The following TMEM38B variants were observed in gnomAD, a reference collection of about 807,000 sequenced individuals.
TMEM38B encodes the protein transmembrane protein 38B.
TMEM38B carries 24 observed loss-of-function variants against 28.7 expected under a neutral mutation model. The ratio of observed to expected loss-of-function variants is 0.84; its 90% CI spans 0.61 to 1.18. The LOEUF (loss-of-function observed/expected upper bound fraction) is 1.18. TMEM38B is among the 50% of genes most tolerant of loss of function. The pLI is 0.00. For synonymous variants in TMEM38B, 131 were observed against 127.7 expected (o/e 1.03, Z -0.17); for missense variants, 380 against 350.9 (o/e 1.08, Z -0.66).
chr9:105,695,250 T>C (rs1387981203), intron 1 of TMEM38B, among the ~76,000 whole-genome samples: 3 of 152,070 alleles, frequency 2.0e-5, no homozygotes, highest in Admixed American at 2.0e-4. Context: ...TCTGACTCAG[T>C]CTCTTGGAGT....
intron 5 of TMEM38B, chr9:105,759,946 A>T (rs1168044600): frequency 1.3e-6 from 2 of 1,582,694 alleles, no homozygotes; most frequent in East Asian, 4.5e-5. Context: ...AAGCAGCACA[A>T]GTGTGCAAAC....
rs1826656567 is a variant in TMEM38B at position 105,774,199 on chromosome 9, CAGAA to C, written c.*129_*132del. On this transcript the variant is annotated 3_prime_UTR_variant, in exon 6 of 6. Transcript: ENST00000374692. Reference sequence around the variant, plus strand: ...GACTATATATATGGAATGGAGGTGACAGAAAGAAAGAAATTCTTTGTTTGAGGGA... The same window carrying C: ...GACTATATATATGGAATGGAGGTGACAGAAAGAAATTCTTTGTTTGAGGGA... The C allele has an allele frequency of 4.9e-6, 4 of 809,676 alleles. No individual in the cohort carries two copies. The highest frequency in any genetic ancestry group is 2.7e-5 in the East Asian group (1 of 37,258). The allele number at this position is 809,676 out of a possible 1,614,324, so 50.2% of individuals were successfully genotyped here.
chr9:105,695,833 G>A (rs1251689961), intron 1 of TMEM38B, among the ~76,000 whole-genome samples: 8 of 152,094 alleles, frequency 5.3e-5, no homozygotes, highest in Admixed American at 5.2e-4. Flanking sequence ...TAAATCGTTG[G>A]TACAAATTTT....
chr9:105,740,230 C>T (rs1837147917), intron 4 of TMEM38B, among the ~76,000 whole-genome samples: 1 of 147,956 alleles, frequency 6.8e-6, no homozygotes, highest in African/African-American at 2.5e-5. Flanking sequence ...TGCAAGTCTT[C>T]CACTTCCTTC....
intron 2 of TMEM38B, among the ~76,000 whole-genome samples, chr9:105,718,557 A>G (rs1836198151): frequency 6.6e-6 from 1 of 152,162 alleles, no homozygotes; most frequent in African/African-American, 2.4e-5. Flanking sequence ...TTAATTTGAG[A>G]GATAAAATGA....
rs1317905825 is a variant in TMEM38B at position 105,774,893 on chromosome 9, AAC to A, written c.*817_*818del. The stretch of plus-strand genomic sequence containing the variant: ...GACTTATTTTTTTCTCTCTCATAAA[AAC>A]ACATTTGTTTTAATTGTAGGAGAAA... On this transcript the variant is annotated 3_prime_UTR_variant, in exon 6 of 6. Coordinates refer to ENST00000374692, the MANE Select transcript of TMEM38B (RefSeq NM_018112.3). 7 of 152,134 alleles carry A rather than the reference AAC, an allele frequency of 4.6e-5. No individual in the cohort carries two copies. In the South Asian group the frequency reaches 8.3e-4, roughly 18 times the overall value. The allele number at this position is 152,134 out of a possible 1,614,324, so 9.4% of individuals were successfully genotyped here.
At chr9:105,750,105 A>G (rs1269085620) in intron 5 of TMEM38B, among the ~76,000 whole-genome samples, 1 of 152,132 alleles carries the variant, frequency 6.6e-6, no homozygotes, top group African/African-American at 2.4e-5. Context: ...ACATCTGAGT[A>G]TCTTTTTTGT....
At chr9:105,750,042 T>C (rs1246378272) in intron 5 of TMEM38B, among the ~76,000 whole-genome samples, 2 of 152,230 alleles carry the variant, frequency 1.3e-5, no homozygotes, top group Non-Finnish European at 2.9e-5. Flanking sequence ...TTGTCTTTTT[T>C]ATTATAGCCA....
chr9:105,772,810 G>A (rs1440572051), intron 5 of TMEM38B, among the ~76,000 whole-genome samples: 3 of 151,828 alleles, frequency 2.0e-5, no homozygotes, highest in Admixed American at 2.0e-4. Flanking sequence ...CTCTTGTTTT[G>A]TGTCTCATTT....
At chr9:105,747,167 G>A (rs1163564036) in intron 4 of TMEM38B, among the ~76,000 whole-genome samples, 1 of 152,188 alleles carries the variant, frequency 6.6e-6, no homozygotes, top group Non-Finnish European at 1.5e-5. Context: ...GCTCCTCCTT[G>A]TACCTCTGGT....
At chr9:105,705,831 C>A in intron 2 of TMEM38B, 78 bp downstream of exon 2, 1 of 1,428,766 alleles carries the variant, frequency 7.0e-7, no homozygotes, top group Non-Finnish European at 9.4e-7. Context: ...ATTTTTTTTT[C>A]TTTGAACAAT....
Position 105,749,483 on chromosome 9 carries a change from A to G in TMEM38B, c.660+1293A>G, listed in dbSNP as rs532330950. ...AGCACAGGAAAGACCCTCATGATTC[A>G]GTTACCTTCATCTGGCCCCGCCCTT... On this transcript the variant is annotated intron_variant, in intron 5 of 5. Transcript: ENST00000374692. 7.0e-4 allele frequency among the ~76,000 whole-genome samples: 106 copies of G among 152,296 alleles called. 2 individuals are homozygous for G. The South Asian group carries it at 0.021, about 31-fold the overall frequency.
intron 1 of TMEM38B, among the ~76,000 whole-genome samples, chr9:105,696,935 G>A (rs1349638446): frequency 6.6e-6 from 1 of 152,184 alleles, no homozygotes; most frequent in Non-Finnish European, 1.5e-5. Context: ...GGATGTTGGA[G>A]TTGCTTTAGC....
At chr9:105,745,240 C>T (rs553006535) in intron 4 of TMEM38B, among the ~76,000 whole-genome samples, 3 of 152,310 alleles carry the variant, frequency 2.0e-5, no homozygotes, top group South Asian at 2.1e-4. Flanking sequence ...ACATCCTCTC[C>T]AGCACCTGTT....
chr9:105,773,820 G>C, intron 5 of TMEM38B, 45 bp from the exon 6 acceptor site: 1 of 1,560,378 alleles, frequency 6.4e-7, no homozygotes, highest in Non-Finnish European at 8.8e-7. Flanking sequence ...TTGAGAAACA[G>C]AAATCATTTG....
chr9:105,758,708 G>C, intron 5 of TMEM38B: 1 of 740,920 alleles, frequency 1.3e-6, no homozygotes. Context: ...ACAACATAGA[G>C]AACTTTTCCA....
chr9:105,738,390 G>T (rs1837063063), intron 4 of TMEM38B, among the ~76,000 whole-genome samples: 1 of 151,976 alleles, frequency 6.6e-6, no homozygotes, highest in South Asian at 2.1e-4. Flanking sequence ...TCTCTACATG[G>T]CCATACTCTG....
At chr9:105,764,479 A>ATT (rs1826284171) in intron 5 of TMEM38B, among the ~76,000 whole-genome samples, 1 of 152,220 alleles carries the variant, frequency 6.6e-6, no homozygotes, top group Non-Finnish European at 1.5e-5. Context: ...ACTGCCATTC[A>ATT]CAATTGCTTC....
At chr9:105,762,190 A>G (rs1446582288) in intron 5 of TMEM38B, among the ~76,000 whole-genome samples, 1 of 152,114 alleles carries the variant, frequency 6.6e-6, no homozygotes, top group African/African-American at 2.4e-5. Flanking sequence ...ACTGATTTTT[A>G]TTAAAAATCT....
Sources: allele counts gnomAD v4.1 joint callset (sites outside exome capture counted in the v4.1 genomes callset), GRCh38; gene constraint gnomAD v4.1.1; transcripts MANE v1.5; gene names NCBI Gene and HGNC (gene_info 2026-07-23, HGNC 2026-07-21).